Variants in DNAL1 observed in about 807,000 individuals in gnomAD.
DNAL1 encodes chromosome 14 open reading frame 168.
A neutral mutation model predicts 29.4 loss-of-function variants in DNAL1; 17 were observed. The observed-to-expected ratio is 0.58, with a 90% CI of 0.40 to 0.87. The LOEUF (loss-of-function observed/expected upper bound fraction) is 0.87. Ranked by LOEUF, DNAL1 falls within the 40% of genes least tolerant of loss-of-function variation. The pLI, the probability that DNAL1 is intolerant of heterozygous loss-of-function variation, is 0.00. For synonymous variants in DNAL1, 78 were observed against 76.3 expected (o/e 1.02, Z -0.12); for missense variants, 188 against 214.1 (o/e 0.88, Z 0.76).
chr14:73,668,802 G>T (rs186917416), intron 4 of DNAL1, among the ~76,000 whole-genome samples: 12 of 152,000 alleles, frequency 7.9e-5, no homozygotes, highest in South Asian at 4.2e-4. Context: ...TCAGCTTTCC[G>T]AGTAGCTGGG....
chr14:73,666,884 G>T (rs1286812260), intron 4 of DNAL1, among the ~76,000 whole-genome samples: 1 of 151,218 alleles, frequency 6.6e-6, no homozygotes, highest in African/African-American at 2.4e-5. Context: ...TGTCTTTTTG[G>T]CCACTTTTTC....
Position 73,646,473 on chromosome 14 carries a change from T to C in DNAL1, c.3+1431T>C, listed in dbSNP as rs1484942077. ...TAAACATAGAAAAGCGGCCAGGGTG[T>C]GGTGGCTCACACCTGTAATCCCAGA... is the stretch of plus-strand genomic sequence containing the variant. On this transcript the variant is annotated intron_variant, in intron 1 of 7. Coordinates refer to ENST00000553645, the MANE Select transcript of DNAL1 (RefSeq NM_031427.4). 3.3e-5 allele frequency among the ~76,000 whole-genome samples: 5 copies of C among 152,124 alleles called. No homozygotes were observed. In the East Asian group the frequency reaches 9.6e-4, roughly 29 times the overall value.
At chr14:73,677,544 A>T (rs1248094441) in intron 5 of DNAL1, among the ~76,000 whole-genome samples, 3 of 149,010 alleles carry the variant, frequency 2.0e-5, no homozygotes, top group Non-Finnish European at 4.5e-5. Context: ...ATATATAAAT[A>T]TATTTATTTA....
At chr14:73,672,018 G>A (rs565440257) in intron 5 of DNAL1, among the ~76,000 whole-genome samples, 8 of 152,134 alleles carry the variant, frequency 5.3e-5, no homozygotes, top group South Asian at 2.1e-4. Context: ...CTGAAATTTT[G>A]TATGGCCCTG....
intron 5 of DNAL1, among the ~76,000 whole-genome samples, chr14:73,680,965 A>G (rs532339625): frequency 6.6e-5 from 10 of 152,314 alleles, no homozygotes; most frequent in African/African-American, 2.4e-4. Context: ...ATAAGAAATG[A>G]TACAGGTGTA....
chr14:73,699,070 C>T lies in DNAL1; in HGVS notation c.*3128C>T, dbSNP rs565319682. On this transcript the variant is annotated 3_prime_UTR_variant, in exon 8 of 8. Coordinates refer to ENST00000553645, the MANE Select transcript of DNAL1 (RefSeq NM_031427.4). ...CCTCTACCCACTAGATTCCAGTAGA[C>T]CCCCTCCTCAGCCATGACAACAAAG... The T allele has an allele frequency of 3.3e-5, 5 of 152,280 alleles. No homozygotes were observed. Among genetic ancestry groups the T allele is most frequent in the Middle Eastern group, 6.8e-3 (2 of 294 alleles). 9.4% of individuals were successfully genotyped at this position (152,280 alleles called of 1,614,324 possible).
intron 6 of DNAL1, among the ~76,000 whole-genome samples, chr14:73,688,281 G>A (rs1013908321): frequency 6.6e-6 from 1 of 152,132 alleles, no homozygotes; most frequent in African/African-American, 2.4e-5. Flanking sequence ...CAGCTTAGTG[G>A]GGAAAATTAG....
At position 73,696,377 on chromosome 14, in the gene DNAL1, C is replaced by T. The variant is rs1421027707; in HGVS notation, c.*435C>T. 1 of 153,278 alleles carries T rather than the reference C, an allele frequency of 6.5e-6. No individual in the cohort carries two copies. The highest frequency in any genetic ancestry group is 6.5e-5 in the Admixed American group (1 of 15,306). 9.5% of individuals were successfully genotyped at this position (153,278 alleles called of 1,614,324 possible). ...TCTGTCTCTGTACAATTCAGAAGCACATGCCTTTAGCTCAGAAGGCAGCAT... is the reference window on the plus strand; with the variant it reads ...TCTGTCTCTGTACAATTCAGAAGCATATGCCTTTAGCTCAGAAGGCAGCAT... On this transcript the variant is annotated 3_prime_UTR_variant, in exon 8 of 8. Coordinates refer to ENST00000553645, the MANE Select transcript of DNAL1 (RefSeq NM_031427.4).
At chr14:73,676,444 GTA>G (rs1891734237) in intron 5 of DNAL1, among the ~76,000 whole-genome samples, 1 of 134,896 alleles carries the variant, frequency 7.4e-6, no homozygotes, top group Admixed American at 7.3e-5. Context: ...ATAGCTCTGT[GTA>G]TATGTGTGTG....
chr14:73,671,701 C>G (rs773131219), intron 5 of DNAL1, 104 bp downstream of exon 5: 23 of 1,228,304 alleles, frequency 1.9e-5, no homozygotes, highest in Non-Finnish European at 2.4e-5. Flanking sequence ...CAAAAGGTAT[C>G]AGTTTCTTTT....
chr14:73,661,839 A>G (rs1225419390), intron 3 of DNAL1, 148 bp from the exon 4 acceptor site: 9 of 565,026 alleles, frequency 1.6e-5, no homozygotes, highest in East Asian at 9.2e-5. Context: ...GAGAAAAACA[A>G]TGATTTCAAA....
At chr14:73,653,633 C>T (rs1164810171) in intron 1 of DNAL1, among the ~76,000 whole-genome samples, 2 of 152,150 alleles carry the variant, frequency 1.3e-5, no homozygotes, top group Non-Finnish European at 2.9e-5. Flanking sequence ...GCTGGGATTA[C>T]AGATGTGAGA....
intron 7 of DNAL1, among the ~76,000 whole-genome samples, chr14:73,689,934 G>A (rs1329373506): frequency 6.6e-6 from 1 of 151,808 alleles, no homozygotes; most frequent in Admixed American, 6.6e-5. Context: ...TACTCGGGAG[G>A]CTGAGGCAGG....
chr14:73,660,829 A>C (rs1891324789), intron 3 of DNAL1, among the ~76,000 whole-genome samples: 1 of 152,160 alleles, frequency 6.6e-6, no homozygotes, highest in South Asian at 2.1e-4. Flanking sequence ...TATACCTCAT[A>C]CTAAAGCACC....
Position 73,696,849 on chromosome 14 carries a change from G to C in DNAL1, c.*907G>C, listed in dbSNP as rs1892311614. 1 of 152,194 alleles carries C rather than the reference G, an allele frequency of 6.6e-6. No homozygotes were observed. The highest frequency in any genetic ancestry group is 2.1e-4 in the South Asian group (1 of 4,822). 9.4% of individuals were successfully genotyped at this position (152,194 alleles called of 1,614,324 possible). On this transcript the variant is annotated 3_prime_UTR_variant, in exon 8 of 8. Coordinates refer to ENST00000553645, the MANE Select transcript of DNAL1 (RefSeq NM_031427.4). ...CTGGTGACCCTCATTGTTGGGAAAA[G>C]TGACTACCATGGTTATAAGTAAGGG...
At chr14:73,676,015 ATAAATAAATAAATAAG>A (rs1392083195) in intron 5 of DNAL1, among the ~76,000 whole-genome samples, 2 of 151,998 alleles carry the variant, frequency 1.3e-5, no homozygotes, top group African/African-American at 4.8e-5. Context: ...CTTTGTCTCG[ATAAATAAATAAATAAG>A]TAAATAATAA....
At chr14:73,650,519 C>G (rs1270762908) in intron 1 of DNAL1, among the ~76,000 whole-genome samples, 1 of 152,132 alleles carries the variant, frequency 6.6e-6, no homozygotes, top group Non-Finnish European at 1.5e-5. Context: ...TAGAGGAATG[C>G]TTGGTAGATA....
intron 1 of DNAL1, among the ~76,000 whole-genome samples, chr14:73,648,979 T>A (rs1891048471): frequency 6.6e-6 from 1 of 151,780 alleles, no homozygotes; most frequent in African/African-American, 2.4e-5. Flanking sequence ...GATTTGTTTT[T>A]GTTTTTGTTT....
In DNAL1 at chr14:73,663,202, A is replaced by ATT. The variant is rs58367000; in HGVS notation, c.208+1180_208+1181dup. Among the ~76,000 whole-genome samples the ATT allele has an allele frequency of 3.1e-3, 391 of 125,150 alleles. 4 individuals carry two copies. The highest frequency in any genetic ancestry group is 4.9e-3 in the African/African-American group (157 of 31,964). 82.1% of individuals were successfully genotyped at this position (125,150 alleles called of 152,430 possible). ...CCCTTATATAGCATAGGTCCCAGTA[A>ATT]TTTTTTTTTTTTTTTTTTTTTGAGA... On this transcript the variant is annotated intron_variant, in intron 4 of 7. Coordinates refer to ENST00000553645, the MANE Select transcript of DNAL1 (RefSeq NM_031427.4).
Sources: allele counts gnomAD v4.1 joint callset (sites outside exome capture counted in the v4.1 genomes callset), GRCh38; gene constraint gnomAD v4.1.1; transcripts MANE v1.5; gene names NCBI Gene and HGNC (gene_info 2026-07-23, HGNC 2026-07-21).